Variants in RUNX3 observed in about 807,000 individuals in gnomAD.
RUNX3 encodes the protein RUNX family transcription factor 3, also known as runt-related transcription factor 3.
RUNX3 carries 10 observed loss-of-function variants against 27.7 expected under a neutral mutation model. The ratio of observed to expected loss-of-function variants is 0.36; its 90% CI spans 0.22 to 0.61. The LOEUF is 0.61. RUNX3 is among the 20% of genes least tolerant of loss of function. The probability of loss-of-function intolerance (pLI) is 0.72; values close to 1 mark genes in which losing one functional copy is unlikely to be tolerated. For synonymous variants in RUNX3, 270 were observed against 269.2 expected, an observed-to-expected ratio of 1.00 and a Z score of -0.03; for missense variants, 469 against 629.5, an observed-to-expected ratio of 0.75 and a Z score of 2.73.
intron 2 of RUNX3, among the ~76,000 whole-genome samples, chr1:24,945,184 A>G (rs1321769165): frequency 6.6e-6 from 1 of 152,224 alleles, no homozygotes; most frequent in East Asian, 1.9e-4. Context: ...CAGATAAATA[A>G]TGAACTCCTT....
intron 2 of RUNX3, among the ~76,000 whole-genome samples, chr1:24,963,351 TG>T (rs1354329913): frequency 6.6e-6 from 1 of 152,166 alleles, no homozygotes; most frequent in Admixed American, 6.5e-5. Flanking sequence ...GCCAATGGGC[TG>T]GAGGGTAGGC....
In RUNX3 at chr1:24,923,794, A is replaced by G. The variant is rs949028316; in HGVS notation, c.439+3780T>C. On this transcript the variant is annotated intron_variant, in intron 2 of 4. Transcript: ENST00000308873. This position sits in a 1 kb window ranked among gnomAD's most constrained non-coding sequence, Gnocchi z 5.9. ...CAACCAGCGGTTCCCCTCAGCCTGC[A>G]CCGGCACACTGCACCCCGAATCTCT... Among the ~76,000 whole-genome samples, 1 of 152,152 alleles carries G rather than the reference A, an allele frequency of 6.6e-6. No individual in the cohort carries two copies. Among genetic ancestry groups the G allele is most frequent in the Non-Finnish European group, 1.5e-5 (1 of 68,014 alleles).
At chr1:24,961,890 C>T (rs1475716109) in intron 2 of RUNX3, 1 of 152,170 alleles carries the variant, frequency 6.6e-6, no homozygotes, top group African/African-American at 2.4e-5. Context: ...GAGACCCTTC[C>T]CCTTCTGGTA....
Position 24,958,089 on chromosome 1 carries a change from C to T in RUNX3, c.58+6425G>A, listed in dbSNP as rs373015982. Among the ~76,000 whole-genome samples, 8 of 152,254 alleles carry T rather than the reference C, an allele frequency of 5.3e-5. No homozygotes were observed. The East Asian group carries it at 9.7e-4, about 18-fold the overall frequency. ...GTTGAGTGGCAGGGGATCACGCTGGCGCAGAGGGGCCCGAGCCGATCAGGA... is the reference window on the plus strand; with the variant it reads ...GTTGAGTGGCAGGGGATCACGCTGGTGCAGAGGGGCCCGAGCCGATCAGGA... On this transcript the variant is annotated intron_variant, in intron 2 of 6. Coordinates refer to the RUNX3 transcript ENST00000338888.
At chr1:24,913,805 ACCTGAT>A (rs1640837766) in intron 3 of RUNX3, among the ~76,000 whole-genome samples, 2 of 152,086 alleles carry the variant, frequency 1.3e-5, no homozygotes, top group African/African-American at 4.8e-5. Flanking sequence ...CCCGCCAGGT[ACCTGAT>A]GCTTCTGGGG....
chr1:24,927,809 G>A lies in RUNX3; in HGVS notation c.283-79C>T, dbSNP rs1321870874. On this transcript the variant is annotated intron_variant, in intron 1 of 4. Transcript: ENST00000308873. The surrounding 1 kb of genome is among the most constrained non-coding windows in gnomAD (Gnocchi z 5.0). ...GACCAGGGAAAGGAGGGGAGGGGCT[G>A]GGCTGGGCAGCTCCCCCAGGTCCCA... The A allele has an allele frequency of 2.3e-6, 3 of 1,292,704 alleles. No homozygotes were observed. 80.1% of individuals were successfully genotyped at this position (1,292,704 alleles called of 1,614,324 possible).
rs1640548139 is a variant in RUNX3 at position 24,901,444 on chromosome 1, C to G, written c.*678G>C. 1 of 152,844 alleles carries G rather than the reference C, an allele frequency of 6.5e-6. No homozygotes were observed. Among genetic ancestry groups the G allele is most frequent in the Admixed American group, 6.5e-5 (1 of 15,276 alleles). 9.5% of individuals were successfully genotyped at this position (152,844 alleles called of 1,614,324 possible). Reference sequence around the variant, plus strand: ...TGCCATAGACTCATCTTCTCTGGGGCCTGGGACCCGTGCGGCTGGGGGAAA... The same window carrying G: ...TGCCATAGACTCATCTTCTCTGGGGGCTGGGACCCGTGCGGCTGGGGGAAA... On this transcript the variant is annotated 3_prime_UTR_variant, in exon 5 of 5. Transcript: ENST00000308873.
chr1:24,908,106 T>A (rs1640711214), intron 3 of RUNX3, among the ~76,000 whole-genome samples: 1 of 148,516 alleles, frequency 6.7e-6, no homozygotes, highest in Non-Finnish European at 1.5e-5. Context: ...TCCGAACCTC[T>A]ACGACACGCG....
At chr1:24,921,263 C>G (rs942478466) in intron 2 of RUNX3, among the ~76,000 whole-genome samples, 1 of 152,150 alleles carries the variant, frequency 6.6e-6, no homozygotes, top group African/African-American at 2.4e-5. Flanking sequence ...GTCAACTGAT[C>G]AAGTGAAAAT....
At chr1:24,945,593 C>A (rs1385680985) in intron 2 of RUNX3, among the ~76,000 whole-genome samples, 1 of 152,164 alleles carries the variant, frequency 6.6e-6, no homozygotes, top group Admixed American at 6.5e-5. Context: ...GCCCAGGAGG[C>A]TTAGTAACTT....
At chr1:24,964,591 G>C (rs567757961) in exon 2 of RUNX3, 1 of 1,604,052 alleles carries the variant, frequency 6.2e-7, no homozygotes, top group African/African-American at 1.3e-5. Context: ...TGAAGAAGGC[G>C]AGAATTTTCA....
chr1:24,938,957 C>T (rs368059373), intron 2 of RUNX3, among the ~76,000 whole-genome samples: 77 of 152,230 alleles, frequency 5.1e-4, no homozygotes, highest in African/African-American at 1.1e-3. Context: ...TTTGTTACAG[C>T]GACACAGAGT....
chr1:24,946,343 C>T (rs1205643438), intron 2 of RUNX3, among the ~76,000 whole-genome samples: 2 of 152,154 alleles, frequency 1.3e-5, no homozygotes, highest in Admixed American at 6.5e-5. Context: ...GCTCTTCTTA[C>T]TGTATGTATA....
In RUNX3 at chr1:24,962,077, T is replaced by A. The variant is rs953873004; in HGVS notation, c.58+2437A>T. ...ATTTAGCATCATATTCCATGGCGAT[T>A]TTCCACCAGTGGAAATCACAGGTGT... On this transcript the variant is annotated intron_variant, in intron 2 of 6. Transcript: ENST00000338888. This position sits in a 1 kb window ranked among gnomAD's most constrained non-coding sequence, Gnocchi z 4.5. The A allele has an allele frequency of 2.0e-5, 3 of 152,214 alleles. No individual in the cohort carries two copies. Among genetic ancestry groups the A allele is most frequent in the African/African-American group, 7.2e-5 (3 of 41,434 alleles). The allele number at this position is 152,214 out of a possible 1,614,324, so 9.4% of individuals were successfully genotyped here. A position where few individuals can be genotyped will look rare whatever the true frequency, so the allele number is the denominator to read the frequency against.
chr1:24,957,728 G>C (rs1309629170), intron 2 of RUNX3, among the ~76,000 whole-genome samples: 1 of 152,328 alleles, frequency 6.6e-6, no homozygotes, highest in South Asian at 2.1e-4. Flanking sequence ...TGCTGTGCAC[G>C]TGATACACAC....
chr1:24,925,704 T>G (rs1271630102), intron 2 of RUNX3, among the ~76,000 whole-genome samples: 1 of 152,080 alleles, frequency 6.6e-6, no homozygotes, highest in Non-Finnish European at 1.5e-5. Context: ...ACATCGGAAC[T>G]CCTCCTCAGA....
At position 24,929,895 on chromosome 1, in the gene RUNX3, G is replaced by A; in HGVS notation, c.-27C>T. The A allele has an allele frequency of 8.0e-7, 1 of 1,254,178 alleles. No homozygotes were observed. Among genetic ancestry groups the A allele is most frequent in the Non-Finnish European group, 1.0e-6 (1 of 1,002,116 alleles). 77.7% of individuals were successfully genotyped at this position (1,254,178 alleles called of 1,614,324 possible). A position where few individuals can be genotyped will look rare whatever the true frequency, so the allele number is the denominator to read the frequency against. On this transcript the variant is annotated 5_prime_UTR_variant, in exon 1 of 5. Transcript: ENST00000308873. ...ACAGCGGCCGTCAGGGCGCCGGGCA[G>A]GCGGAGACGGCGCGGCTTCCCCCGG...
chr1:24,947,393 C>T (rs1452918075), intron 2 of RUNX3, among the ~76,000 whole-genome samples: 1 of 152,172 alleles, frequency 6.6e-6, no homozygotes, highest in Non-Finnish European at 1.5e-5. Context: ...AATGGGAGAG[C>T]AGGGAGTCAG....
At chr1:24,939,226 C>T (rs1641418179) in intron 2 of RUNX3, among the ~76,000 whole-genome samples, 1 of 152,172 alleles carries the variant, frequency 6.6e-6, no homozygotes, top group Non-Finnish European at 1.5e-5. Flanking sequence ...CATCTATACC[C>T]TACATGTGTG....
Sources: allele counts gnomAD v4.1 joint callset (sites outside exome capture counted in the v4.1 genomes callset), GRCh38; gene constraint gnomAD v4.1.1; non-coding constraint Gnocchi (gnomAD v3.1); transcripts MANE v1.5; gene names NCBI Gene and HGNC (gene_info 2026-07-23, HGNC 2026-07-21).